Variants in USP32 observed in about 807,000 individuals in gnomAD.
The protein encoded by USP32 is ubiquitin specific peptidase 32.
A neutral mutation model predicts 204.8 loss-of-function variants in USP32; 59 were observed. The observed-to-expected ratio is 0.29, with a 90% CI of 0.23 to 0.36. The LOEUF is 0.36. Among genes scored for constraint, USP32 ranks in the 10% least tolerant of loss-of-function variants. The pLI, the probability that USP32 is intolerant of heterozygous loss-of-function variation, is 1.00. For synonymous variants in USP32, 517 were observed against 678.4 expected, an observed-to-expected ratio of 0.76 and a Z score of 3.70; for missense variants, 1,160 against 1,946.4, an observed-to-expected ratio of 0.60 and a Z score of 7.60.
intron 1 of USP32, among the ~76,000 whole-genome samples, chr17:60,353,246 G>A (rs1350757760): frequency 6.6e-6 from 1 of 152,120 alleles, no homozygotes; most frequent in East Asian, 1.9e-4. Context: ...TGGATGCAAC[G>A]AGCAGGAAAG....
chr17:60,220,938 G>A (rs1374078725), intron 15 of USP32, among the ~76,000 whole-genome samples: 3 of 152,092 alleles, frequency 2.0e-5, no homozygotes, highest in South Asian at 2.1e-4. Flanking sequence ...GTGAGCCACC[G>A]CGCCCAGCCA....
At chr17:60,251,583 T>C (rs1291697775) in intron 11 of USP32, among the ~76,000 whole-genome samples, 2 of 152,114 alleles carry the variant, frequency 1.3e-5, no homozygotes, top group East Asian at 3.9e-4. Context: ...GTCCTATTTC[T>C]GAAACTATCT....
chr17:60,315,301 G>A (rs1357379073), intron 2 of USP32, among the ~76,000 whole-genome samples: 1 of 152,210 alleles, frequency 6.6e-6, no homozygotes, highest in Non-Finnish European at 1.5e-5. Flanking sequence ...TCAGGAGGCT[G>A]AGGCAGGAGA....
chr17:60,206,710 A>C (rs1430069664), intron 25 of USP32, among the ~76,000 whole-genome samples: 3 of 151,948 alleles, frequency 2.0e-5, no homozygotes, highest in Admixed American at 6.6e-5. Context: ...AGCTATATCT[A>C]TTGTTTATAT....
chr17:60,323,421 G>A (rs1353121652), intron 2 of USP32, among the ~76,000 whole-genome samples: 1 of 152,104 alleles, frequency 6.6e-6, no homozygotes, highest in Non-Finnish European at 1.5e-5. Flanking sequence ...AATCTATATA[G>A]ACAGAAAGTA....
At chr17:60,245,121 G>A (rs1388342464) in intron 11 of USP32, among the ~76,000 whole-genome samples, 1 of 152,050 alleles carries the variant, frequency 6.6e-6, no homozygotes, top group Admixed American at 6.6e-5. Flanking sequence ...TATAATTATT[G>A]TCATGTAAAA....
At chr17:60,329,596 C>T (rs1210427465) in intron 2 of USP32, among the ~76,000 whole-genome samples, 1 of 151,962 alleles carries the variant, frequency 6.6e-6, no homozygotes, top group Non-Finnish European at 1.5e-5. Flanking sequence ...GCATAAGCCA[C>T]CATGCCCAGC....
intron 1 of USP32, among the ~76,000 whole-genome samples, chr17:60,403,976 G>A (rs1479251966): frequency 6.6e-6 from 1 of 151,616 alleles, no homozygotes; most frequent in East Asian, 1.9e-4. Context: ...GGGAGTCAAG[G>A]CCGCAGTGAG....
intron 5 of USP32, among the ~76,000 whole-genome samples, chr17:60,280,948 A>G (rs1367698810): frequency 1.3e-5 from 2 of 152,254 alleles, no homozygotes; most frequent in Admixed American, 1.3e-4. Context: ...TTTTCATAGT[A>G]AGACTCACTA....
chr17:60,212,247 T>C, intron 18 of USP32, 149 bp from the exon 19 acceptor site: 1 of 675,894 alleles, frequency 1.5e-6, no homozygotes, highest in East Asian at 2.8e-5. Flanking sequence ...ACGACGAGGT[T>C]ATATTCTGAG....
intron 9 of USP32, among the ~76,000 whole-genome samples, chr17:60,255,583 C>T (rs2086281807): frequency 6.6e-6 from 1 of 152,166 alleles, no homozygotes; most frequent in African/African-American, 2.4e-5. Context: ...CAGGCATCTG[C>T]CATGATCTAA....
At chr17:60,281,807 T>C (rs924721793) in intron 5 of USP32, among the ~76,000 whole-genome samples, 2 of 152,224 alleles carry the variant, frequency 1.3e-5, no homozygotes, top group Admixed American at 1.3e-4. Flanking sequence ...ATGGTCCATC[T>C]ACATCAAAAT....
At chr17:60,285,879 G>A (rs1314340393) in intron 5 of USP32, among the ~76,000 whole-genome samples, 1 of 152,204 alleles carries the variant, frequency 6.6e-6, no homozygotes, top group Non-Finnish European at 1.5e-5. Context: ...GCTCACGCCT[G>A]TAATCCCAGC....
intron 1 of USP32, among the ~76,000 whole-genome samples, chr17:60,363,661 T>C (rs962405053): frequency 6.6e-6 from 1 of 151,634 alleles, no homozygotes; most frequent in Non-Finnish European, 1.5e-5. Context: ...TAATTTTTTG[T>C]TTTTTTCAGG....
At chr17:60,420,484 A>C (rs945367932) in intron 1 of USP32, among the ~76,000 whole-genome samples, 1 of 151,910 alleles carries the variant, frequency 6.6e-6, no homozygotes, top group Non-Finnish European at 1.5e-5. Flanking sequence ...CGTGACCAAC[A>C]TGGAGAAACC....
intron 4 of USP32, 112 bp downstream of exon 4, chr17:60,294,571 C>A (rs534676622): frequency 3.5e-6 from 2 of 570,990 alleles, no homozygotes; most frequent in East Asian, 3.0e-5. Flanking sequence ...TATAAAAATG[C>A]CAAGAGTAAT....
At chr17:60,213,743 A>G (rs974008337) in intron 17 of USP32, 81 bp from the exon 18 acceptor site, 2 of 1,502,526 alleles carry the variant, frequency 1.3e-6, no homozygotes, top group African/African-American at 3.0e-5. Flanking sequence ...AGTAACAATT[A>G]AAAAAACAAC....
At chr17:60,241,060 C>A (rs557301587) in intron 11 of USP32, among the ~76,000 whole-genome samples, 1 of 152,302 alleles carries the variant, frequency 6.6e-6, no homozygotes, top group East Asian at 1.9e-4. Context: ...TGCAGTGGCT[C>A]AATCTCAGCT....
At chr17:60,304,692 T>C (rs2087679611) in intron 2 of USP32, among the ~76,000 whole-genome samples, 1 of 152,178 alleles carries the variant, frequency 6.6e-6, no homozygotes, top group Non-Finnish European at 1.5e-5. Context: ...TACACATAAA[T>C]GTTGTCTATA....
Sources: gnomAD v4.1 joint callset for allele counts (sites outside exome capture counted in the v4.1 genomes callset) on GRCh38, gnomAD v4.1.1 for gene constraint, MANE v1.5 for transcripts, NCBI Gene and HGNC (gene_info 2026-07-23, HGNC 2026-07-21) for gene names.